Variants in ACO1 observed in about 807,000 individuals in gnomAD.
ACO1 encodes cytoplasmic aconitate hydratase.
ACO1 carries 78 observed loss-of-function variants against 105.1 expected under a neutral mutation model. That is an observed-to-expected ratio of 0.74 (90% CI 0.62 to 0.90). ACO1 has a LOEUF of 0.90. Ranked by LOEUF, ACO1 falls within the 40% of genes least tolerant of loss-of-function variation. ACO1 has a pLI of 0.00. For missense variants in ACO1, 965 were observed against 1,111.1 expected (o/e 0.87, Z 1.87); for synonymous variants, 364 against 397.4 (o/e 0.92, Z 1.00).
At chr9:32,448,113 G>A (rs533548929) in intron 19 of ACO1, among the ~76,000 whole-genome samples, 1 of 152,278 alleles carries the variant, frequency 6.6e-6, no homozygotes, top group South Asian at 2.1e-4. Flanking sequence ...GTCAAGCAGG[G>A]ACATTTAAGT....
At chr9:32,426,088 A>G (rs1822088688) in intron 11 of ACO1, 91 bp downstream of exon 11, 1 of 1,340,714 alleles carries the variant, frequency 7.5e-7, no homozygotes, top group South Asian at 1.4e-5. Context: ...GGAGTTGTAC[A>G]TGTAGTTCCC....
At chr9:32,396,701 G>T (rs1821379931) in intron 1 of ACO1, among the ~76,000 whole-genome samples, 1 of 151,992 alleles carries the variant, frequency 6.6e-6, no homozygotes, top group African/African-American at 2.4e-5. Context: ...TACTCTGTTT[G>T]TATATTTATT....
At chr9:32,387,561 A>G (rs1821180469) in intron 1 of ACO1, among the ~76,000 whole-genome samples, 1 of 152,180 alleles carries the variant, frequency 6.6e-6, no homozygotes, top group African/African-American at 2.4e-5. Flanking sequence ...GCCTAGACAA[A>G]GATCCTAGAT....
At chr9:32,395,869 A>T (rs549767270) in intron 1 of ACO1, among the ~76,000 whole-genome samples, 1 of 152,264 alleles carries the variant, frequency 6.6e-6, no homozygotes, top group African/African-American at 2.4e-5. Flanking sequence ...GTGCTGCTGC[A>T]ACTAATTTAA....
intron 2 of ACO1, among the ~76,000 whole-genome samples, chr9:32,406,097 C>G (rs574858485): frequency 6.6e-6 from 1 of 152,040 alleles, no homozygotes; most frequent in Non-Finnish European, 1.5e-5. Context: ...TATAAATAAA[C>G]AAAATCATTT....
chr9:32,411,318 A>G (rs1444336995), intron 4 of ACO1, among the ~76,000 whole-genome samples: 1 of 152,224 alleles, frequency 6.6e-6, no homozygotes, highest in African/African-American at 2.4e-5. Context: ...TTCCATATAC[A>G]GTGCTGGAAA....
chr9:32,453,133 C>T lies in ACO1; in HGVS notation c.*3022C>T, dbSNP rs903556032. On this transcript the variant is annotated 3_prime_UTR_variant, in exon 21 of 21. Transcript: ENST00000309951. The stretch of plus-strand genomic sequence containing the variant: ...CCCATATTCTTTGCGAATGAAGATT[C>T]CCCTGTTTGTTTGGATAGTTTTCCA... 1 of 143,268 alleles carries T rather than the reference C, an allele frequency of 7.0e-6. No individual in the cohort carries two copies. Among genetic ancestry groups the T allele is most frequent in the Non-Finnish European group, 1.5e-5 (1 of 64,518 alleles). 8.9% of individuals were successfully genotyped at this position (143,268 alleles called of 1,614,324 possible).
intron 1 of ACO1, among the ~76,000 whole-genome samples, chr9:32,388,857 C>A (rs1388897849): frequency 6.6e-6 from 1 of 152,180 alleles, no homozygotes. Context: ...AAAATCCCAA[C>A]AACGTATACT....
intron 1 of ACO1, among the ~76,000 whole-genome samples, chr9:32,393,520 C>G (rs909922031): frequency 6.6e-6 from 1 of 152,170 alleles, no homozygotes; most frequent in African/African-American, 2.4e-5. Context: ...TCTTATGGTC[C>G]TGTGATCTTG....
intron 2 of ACO1, 62 bp from the exon 3 acceptor site, chr9:32,407,199 C>A: frequency 6.6e-7 from 1 of 1,525,198 alleles, no homozygotes. Flanking sequence ...AGAGATTGGC[C>A]TTAAAGAGCG....
chr9:32,442,324 G>A (rs1822499194), intron 19 of ACO1, among the ~76,000 whole-genome samples: 1 of 152,034 alleles, frequency 6.6e-6, no homozygotes, highest in South Asian at 2.1e-4. Flanking sequence ...CAGATCTGGG[G>A]TAGTACGCAA....
intron 1 of ACO1, among the ~76,000 whole-genome samples, chr9:32,400,527 A>G (rs1262809501): frequency 6.6e-6 from 1 of 152,164 alleles, no homozygotes; most frequent in African/African-American, 2.4e-5. Context: ...TATTGAGGGG[A>G]GCAAAGTGGA....
chr9:32,434,169 C>T (rs1192284159), intron 16 of ACO1, among the ~76,000 whole-genome samples: 1 of 152,136 alleles, frequency 6.6e-6, no homozygotes, highest in African/African-American at 2.4e-5. Flanking sequence ...GACATTGTCC[C>T]TGAAACTGAT....
chr9:32,431,747 T>C lies in ACO1; in HGVS notation c.1755T>C (p.Phe585=), dbSNP rs141062629. 3.1e-4 allele frequency: 500 copies of C among 1,614,134 alleles called. 1 individual carries two copies. Among genetic ancestry groups the C allele is most frequent in the Admixed American group, 1.1e-3 (67 of 60,022 alleles). ...LGVNAKGQQV[F]LKDIWPTRDE... is the part of the protein sequence containing the mutation. The stretch of plus-strand genomic sequence containing the variant: ...TAAATGCAAAGGGACAGCAGGTATT[T>C]CTGAAAGATATCTGGCCGACTAGAG... The change falls in exon 15 of 21, where the codon TTT becomes TTC. Residue 585 remains phenylalanine (F), a synonymous_variant. Coordinates refer to ENST00000309951, the MANE Select transcript of ACO1 (RefSeq NM_002197.3).
chr9:32,433,086 C>A (rs1291895479), intron 15 of ACO1, among the ~76,000 whole-genome samples: 1 of 152,168 alleles, frequency 6.6e-6, no homozygotes, highest in African/African-American at 2.4e-5. Flanking sequence ...GCAAGAGAGT[C>A]AGAAGGCAGG....
At chr9:32,412,306 G>A (rs1401700975) in intron 4 of ACO1, among the ~76,000 whole-genome samples, 2 of 152,184 alleles carry the variant, frequency 1.3e-5, no homozygotes, top group Non-Finnish European at 2.9e-5. Context: ...GGAAAATGAT[G>A]CAGGAATTAA....
chr9:32,425,201 G>A lies in ACO1; in HGVS notation c.1188+536G>A, dbSNP rs572243632. Reference sequence around the variant, plus strand: ...TATGATTTCTGTTGCTAGACTGTACGTGTGAGAATAGGATTTGTGTCTGAA... The same window carrying A: ...TATGATTTCTGTTGCTAGACTGTACATGTGAGAATAGGATTTGTGTCTGAA... On this transcript the variant is annotated intron_variant, in intron 10 of 20. Transcript: ENST00000309951. Among the ~76,000 whole-genome samples the A allele has an allele frequency of 1.0e-3, 152 of 152,274 alleles. 1 individual carries two copies. Among genetic ancestry groups the A allele is most frequent in the South Asian group, 2.3e-3 (11 of 4,824 alleles).
chr9:32,449,937 C>T (rs2118592166), intron 20 of ACO1, 61 bp from the exon 21 acceptor site: 1 of 1,384,626 alleles, frequency 7.2e-7, no homozygotes, highest in Non-Finnish European at 1.0e-6. Flanking sequence ...GGCAGAATTT[C>T]CTCCGAGCAG....
At chr9:32,425,297 A>G (rs1437769160) in intron 10 of ACO1, among the ~76,000 whole-genome samples, 1 of 152,238 alleles carries the variant, frequency 6.6e-6, no homozygotes, top group Non-Finnish European at 1.5e-5. Flanking sequence ...AACATTTCCC[A>G]AAAGAATGAT....
Sources: allele counts gnomAD v4.1 joint callset (sites outside exome capture counted in the v4.1 genomes callset), GRCh38; gene constraint gnomAD v4.1.1; transcripts MANE v1.5; gene names NCBI Gene and HGNC (gene_info 2026-07-23, HGNC 2026-07-21).